Variants in NRG1 observed in about 807,000 individuals in gnomAD.
NRG1 encodes neuregulin 1.
A neutral mutation model predicts 63.8 loss-of-function variants in NRG1; 18 were observed. That is an observed-to-expected ratio of 0.28 (90% CI 0.19 to 0.42). The LOEUF (loss-of-function observed/expected upper bound fraction) is 0.42, where lower values mean the gene tolerates loss of function less well. NRG1 is among the 10% of genes least tolerant of loss of function. The probability of loss-of-function intolerance (pLI) is 1.00; values close to 1 mark genes in which losing one functional copy is unlikely to be tolerated. For synonymous variants in NRG1, 302 were observed against 301.3 expected (o/e 1.00, Z -0.02); for missense variants, 762 against 814.7 (o/e 0.94, Z 0.79).
intron 5 of NRG1, among the ~76,000 whole-genome samples, chr8:32,651,461 T>A (rs1252750918): frequency 6.6e-6 from 1 of 152,186 alleles, no homozygotes; most frequent in Non-Finnish European, 1.5e-5. Flanking sequence ...TTTCCTACCC[T>A]GACTGTTGGG....
chr8:31,689,237 A>G (rs1180437871), intron 1 of NRG1, among the ~76,000 whole-genome samples: 1 of 152,158 alleles, frequency 6.6e-6, no homozygotes, highest in African/African-American at 2.4e-5. Flanking sequence ...CATAGGTTCT[A>G]GGGCTTTGGA....
At chr8:32,315,254 G>A (rs539743759) in intron 1 of NRG1, among the ~76,000 whole-genome samples, 1 of 152,254 alleles carries the variant, frequency 6.6e-6, no homozygotes, top group East Asian at 1.9e-4. Context: ...CCCCCTGACA[G>A]GTCCTGGTGT....
At chr8:31,967,218 T>C (rs1449861267) in intron 1 of NRG1, among the ~76,000 whole-genome samples, 1 of 152,128 alleles carries the variant, frequency 6.6e-6, no homozygotes. Context: ...AGGACCTCAG[T>C]TGCATGAACT....
intron 5 of NRG1, among the ~76,000 whole-genome samples, chr8:32,654,105 T>G (rs903999551): frequency 1.3e-5 from 2 of 152,144 alleles, no homozygotes; most frequent in Non-Finnish European, 2.9e-5. Flanking sequence ...TCTGGAAAAG[T>G]GAAGTGACTT....
chr8:32,470,330 G>A (rs1049514702), intron 1 of NRG1, among the ~76,000 whole-genome samples: 3 of 151,674 alleles, frequency 2.0e-5, no homozygotes, highest in African/African-American at 2.4e-5. Flanking sequence ...ACAGGCGCCC[G>A]CCACCACACC....
At chr8:32,028,043 A>T (rs901549479) in intron 1 of NRG1, among the ~76,000 whole-genome samples, 2 of 152,174 alleles carry the variant, frequency 1.3e-5, no homozygotes, top group Non-Finnish European at 1.5e-5. Flanking sequence ...GTGACTTCTA[A>T]ATTGTGGTTC....
intron 1 of NRG1, among the ~76,000 whole-genome samples, chr8:32,170,793 C>T (rs555044821): frequency 1.2e-4 from 18 of 152,268 alleles, no homozygotes; most frequent in African/African-American, 2.4e-4. Flanking sequence ...ATCAATCCAC[C>T]GGTGGCTTCT....
intron 1 of NRG1, among the ~76,000 whole-genome samples, chr8:31,889,901 T>G (rs1230239193): frequency 1.3e-5 from 2 of 152,022 alleles, no homozygotes; most frequent in Non-Finnish European, 2.9e-5. Context: ...GATCAATCCA[T>G]GCCAACAACC....
chr8:32,745,689 C>T (rs199648029), intron 7 of NRG1, among the ~76,000 whole-genome samples: 22 of 84,086 alleles, frequency 2.6e-4, no homozygotes, highest in Non-Finnish European at 3.5e-4. Flanking sequence ...TGTGTGTGTT[C>T]GTGTGTGTGT....
At chr8:32,089,115 T>C (rs1414122108) in intron 1 of NRG1, among the ~76,000 whole-genome samples, 2 of 152,170 alleles carry the variant, frequency 1.3e-5, no homozygotes, top group African/African-American at 2.4e-5. Context: ...CATGGATCCC[T>C]GGTGGAGGGG....
chr8:32,432,937 A>G (rs1818331768), intron 1 of NRG1, among the ~76,000 whole-genome samples: 1 of 152,156 alleles, frequency 6.6e-6, no homozygotes, highest in Admixed American at 6.6e-5. Context: ...TTACCATTAT[A>G]GGTCAAAGGG....
At chr8:32,752,367 ATTAACATATAAGCACTCACATTC>A (rs1828909167) in intron 7 of NRG1, among the ~76,000 whole-genome samples, 1 of 152,158 alleles carries the variant, frequency 6.6e-6, no homozygotes, top group Non-Finnish European at 1.5e-5. Flanking sequence ...GACATATGCA[ATTAACATATAAGCACTCACATTC>A]CATGTCCTCA....
chr8:32,423,233 G>A (rs1159993682), intron 1 of NRG1, among the ~76,000 whole-genome samples: 2 of 152,166 alleles, frequency 1.3e-5, no homozygotes, highest in East Asian at 3.9e-4. Flanking sequence ...ATTGTCTCCA[G>A]GACAGGTAAT....
chr8:32,115,750 C>G (rs1228458050), intron 1 of NRG1, among the ~76,000 whole-genome samples: 3 of 152,138 alleles, frequency 2.0e-5, no homozygotes, highest in Non-Finnish European at 2.9e-5. Context: ...GTGGATACTA[C>G]TATTGTCCTC....
intron 1 of NRG1, among the ~76,000 whole-genome samples, chr8:31,648,868 T>C (rs1014001942): frequency 6.6e-6 from 1 of 152,264 alleles, no homozygotes; most frequent in Non-Finnish European, 1.5e-5. Context: ...TGCTGTGAAA[T>C]GTCTTCTCAA....
At chr8:32,756,481 T>G in exon 9 of NRG1, 1 of 1,613,748 alleles carries the variant, frequency 6.2e-7, no homozygotes. Context: ...ACATTGCCAA[T>G]GGGCCTCACC....
Position 31,968,207 on chromosome 8 carries a change from G to C in NRG1, c.37+328776G>C, listed in dbSNP as rs115532890. ...TAAGTATGCATGCAAAAATAAGTATGCATGAAACATAAGTTTTCAAATATC... is the reference window on the plus strand; with the variant it reads ...TAAGTATGCATGCAAAAATAAGTATCCATGAAACATAAGTTTTCAAATATC... On this transcript the variant is annotated intron_variant, in intron 1 of 10. Transcript: ENST00000519301. Among the ~76,000 whole-genome samples the C allele has an allele frequency of 4.1e-3, 628 of 152,300 alleles. 5 individuals are homozygous for C. The highest frequency in any genetic ancestry group is 0.014 in the African/African-American group (602 of 41,558).
chr8:31,814,124 G>A (rs530079670), intron 1 of NRG1, among the ~76,000 whole-genome samples: 6 of 152,112 alleles, frequency 3.9e-5, no homozygotes, highest in Non-Finnish European at 7.4e-5. Flanking sequence ...ACTATGACAT[G>A]GAATATACCT....
At chr8:31,872,899 T>C (rs1158673957) in intron 1 of NRG1, among the ~76,000 whole-genome samples, 1 of 152,226 alleles carries the variant, frequency 6.6e-6, no homozygotes, top group Admixed American at 6.5e-5. Flanking sequence ...AAATCAAAAC[T>C]AGGTCTTTGA....
Sources: allele counts gnomAD v4.1 joint callset (sites outside exome capture counted in the v4.1 genomes callset), GRCh38; gene constraint gnomAD v4.1.1; transcripts MANE v1.5; gene names NCBI Gene and HGNC (gene_info 2026-07-23, HGNC 2026-07-21).